LRP1B: variants seen among roughly 807,000 people sequenced by gnomAD.
The protein encoded by LRP1B is LDL receptor related protein 1B, also known as low-density lipoprotein receptor-related protein 1B.
In LRP1B, 217 loss-of-function variants were observed where a neutral mutation model predicts 556.6. That is an observed-to-expected ratio of 0.39 (90% CI 0.35 to 0.44). LRP1B has a LOEUF of 0.44. Ranked by LOEUF, LRP1B falls within the 20% of genes least tolerant of loss-of-function variation. LRP1B has a pLI of 1.00. For synonymous variants in LRP1B, 2,047 were observed against 1,865.8 expected (o/e 1.10, Z -2.50); for missense variants, 5,053 against 5,620.8 (o/e 0.90, Z 3.23).
chr2:141,492,501 G>C (rs1390968586), intron 2 of LRP1B, among the ~76,000 whole-genome samples: 1 of 152,114 alleles, frequency 6.6e-6, no homozygotes, highest in Admixed American at 6.6e-5. Context: ...CAAAACAAAA[G>C]AAGTTGTTCA....
chr2:141,783,351 G>T lies in LRP1B; in HGVS notation c.205+26928C>A, dbSNP rs149664724. ...CTGGGTAGAACCAAGGTAAAAAGAA[G>T]AAATAATTCAATAGTAATATAATCT... is the stretch of plus-strand genomic sequence containing the variant. On this transcript the variant is annotated intron_variant, in intron 2 of 90. Transcript: ENST00000389484. 1.0e-3 allele frequency among the ~76,000 whole-genome samples: 156 copies of T among 152,048 alleles called. 3 individuals are homozygous for T. The highest frequency in any genetic ancestry group is 3.5e-3 in the African/African-American group (146 of 41,514).
At chr2:141,060,581 G>A (rs923038685) in intron 8 of LRP1B, among the ~76,000 whole-genome samples, 2 of 151,772 alleles carry the variant, frequency 1.3e-5, no homozygotes, top group Admixed American at 6.6e-5. Context: ...CAAGGAACCT[G>A]TGGTGATGGG....
At chr2:140,767,701 GGTTA>G (rs1313658177) in intron 35 of LRP1B, among the ~76,000 whole-genome samples, 6 of 151,446 alleles carry the variant, frequency 4.0e-5, no homozygotes, top group South Asian at 2.1e-4. Flanking sequence ...ACATTGTGCA[GGTTA>G]GTTACATATG....
At chr2:140,927,934 C>T (rs1024518223) in intron 20 of LRP1B, among the ~76,000 whole-genome samples, 6 of 151,340 alleles carry the variant, frequency 4.0e-5, no homozygotes, top group Admixed American at 2.6e-4. Context: ...TTTGTAGAGG[C>T]GAGGTTTCAC....
At position 140,872,054 on chromosome 2, in the gene LRP1B, T is replaced by G. The variant is rs552881231; in HGVS notation, c.4170-3791A>C. 1.4e-4 allele frequency among the ~76,000 whole-genome samples: 20 copies of G among 147,586 alleles called. No homozygotes were observed. In the South Asian group the frequency reaches 4.2e-3, roughly 31 times the overall value. Reference sequence around the variant, plus strand: ...TTTGTATTTAAAAGTCCTTCATGTTTTTTTTTTTTTCTCTCCTAGGACCTT... The same window carrying G: ...TTTGTATTTAAAAGTCCTTCATGTTGTTTTTTTTTTCTCTCCTAGGACCTT... On this transcript the variant is annotated intron_variant, in intron 25 of 90. Coordinates refer to ENST00000389484, the MANE Select transcript of LRP1B (RefSeq NM_018557.3).
At chr2:141,700,536 C>A (rs1450199634) in intron 2 of LRP1B, among the ~76,000 whole-genome samples, 1 of 151,700 alleles carries the variant, frequency 6.6e-6, no homozygotes, top group Non-Finnish European at 1.5e-5. Flanking sequence ...TATGTGCACA[C>A]CTCTGGGCCT....
At chr2:140,278,875 C>A (rs1682799902) in intron 84 of LRP1B, among the ~76,000 whole-genome samples, 1 of 151,914 alleles carries the variant, frequency 6.6e-6, no homozygotes, top group South Asian at 2.1e-4. Flanking sequence ...AAGAGTTGCT[C>A]ACTACACTCC....
intron 16 of LRP1B, among the ~76,000 whole-genome samples, chr2:140,991,383 G>A (rs1441523679): frequency 1.3e-5 from 2 of 152,084 alleles, no homozygotes; most frequent in African/African-American, 4.8e-5. Flanking sequence ...ATAATCCTCT[G>A]AAATTACCTA....
intron 3 of LRP1B, among the ~76,000 whole-genome samples, chr2:141,462,652 A>G (rs1681927428): frequency 6.6e-6 from 1 of 151,682 alleles, no homozygotes; most frequent in South Asian, 2.1e-4. Context: ...TCAGAACTCA[A>G]AAAAATAAAA....
intron 81 of LRP1B, among the ~76,000 whole-genome samples, chr2:140,322,664 T>C (rs998109529): frequency 6.6e-6 from 1 of 152,060 alleles, no homozygotes; most frequent in Non-Finnish European, 1.5e-5. Flanking sequence ...TGTGCATGTC[T>C]AAATGTGTGC....
At chr2:141,294,449 G>A (rs1039401965) in intron 3 of LRP1B, among the ~76,000 whole-genome samples, 5 of 152,044 alleles carry the variant, frequency 3.3e-5, no homozygotes, top group Non-Finnish European at 7.4e-5. Context: ...CAGGTTGGGT[G>A]CTGTGGCTCA....
chr2:141,517,275 C>CACACATACACACACACACACACACAT (rs1487358436), intron 2 of LRP1B, among the ~76,000 whole-genome samples: 34 of 151,446 alleles, frequency 2.2e-4, no homozygotes, highest in Non-Finnish European at 4.4e-4. Context: ...CACACACAGA[C>CACACATACACACACACACACACACAT]ACACACACAC....
chr2:140,466,617 C>T (rs537648592), intron 60 of LRP1B, among the ~76,000 whole-genome samples: 1 of 152,210 alleles, frequency 6.6e-6, no homozygotes, highest in Non-Finnish European at 1.5e-5. Flanking sequence ...TCATACCCAA[C>T]TATTACTGTT....
intron 23 of LRP1B, among the ~76,000 whole-genome samples, chr2:140,898,074 A>G (rs572953684): frequency 6.6e-6 from 1 of 152,310 alleles, no homozygotes; most frequent in African/African-American, 2.4e-5. Flanking sequence ...GGTCTGCCCC[A>G]TAACCTGGGG....
chr2:141,474,589 A>G (rs1230050605), intron 3 of LRP1B, among the ~76,000 whole-genome samples: 1 of 152,218 alleles, frequency 6.6e-6, no homozygotes, highest in Non-Finnish European at 1.5e-5. Context: ...TAGGAAAGTT[A>G]TTTTCCAACT....
chr2:141,207,939 G>T (rs534037456), intron 6 of LRP1B: 1 of 152,278 alleles, frequency 6.6e-6, no homozygotes. Flanking sequence ...GTCTCCCAAA[G>T]TGCTAGGATT....
intron 2 of LRP1B, among the ~76,000 whole-genome samples, chr2:141,761,248 G>A (rs919070129): frequency 2.0e-5 from 3 of 151,814 alleles, no homozygotes; most frequent in Non-Finnish European, 4.4e-5. Flanking sequence ...CATTAAATCT[G>A]GTCAGTGTGT....
chr2:142,023,300 CT>C (rs2105180530), intron 1 of LRP1B, among the ~76,000 whole-genome samples: 1 of 152,318 alleles, frequency 6.6e-6, no homozygotes, highest in African/African-American at 2.4e-5. Context: ...TCTATGACTA[CT>C]TTCCACATAT....
chr2:140,376,016 GT>G (rs150928947), intron 68 of LRP1B, among the ~76,000 whole-genome samples: 14,304 of 149,852 alleles, frequency 0.095, 767 homozygotes, highest in African/African-American at 0.15. Flanking sequence ...CACTTGTTCA[GT>G]TTTTTTTTGT....
Sources: gnomAD v4.1 joint callset for allele counts (sites outside exome capture counted in the v4.1 genomes callset) on GRCh38, gnomAD v4.1.1 for gene constraint, MANE v1.5 for transcripts, NCBI Gene and HGNC (gene_info 2026-07-23, HGNC 2026-07-21) for gene names.